ZNF214: variants seen among roughly 807,000 people sequenced by gnomAD.
ZNF214 encodes BWSCR2-associated zinc finger protein 1.
In ZNF214, 43 loss-of-function variants were observed where a neutral mutation model predicts 53.9. That is an observed-to-expected ratio of 0.80 (90% CI 0.63 to 1.03). ZNF214 has a LOEUF of 1.03. Among genes scored for constraint, ZNF214 ranks in the 50% least tolerant of loss-of-function variants. The pLI, the probability that ZNF214 is intolerant of heterozygous loss-of-function variation, is 0.00. For missense variants in ZNF214, 724 were observed against 719.1 expected (o/e 1.01, Z -0.08); for synonymous variants, 217 against 229.5 (o/e 0.95, Z 0.49).
At chr11:7,015,686 C>A (rs1851747615) in intron 1 of ZNF214, 1 of 152,086 alleles carries the variant, frequency 6.6e-6, no homozygotes, top group Non-Finnish European at 1.5e-5. Flanking sequence ...CTAAACTTAT[C>A]TCTATTTTCA....
chr11:7,019,935 G>C (rs1259583874), intron 1 of ZNF214, 138 bp downstream of exon 1: 2 of 152,070 alleles, frequency 1.3e-5, no homozygotes, highest in Non-Finnish European at 2.9e-5. Flanking sequence ...CACAGACCCG[G>C]GGGTCCCCTG....
rs557525719 is a variant in ZNF214 at position 7,005,957 on chromosome 11, AT to A, written c.-20-3103del. Among the ~76,000 whole-genome samples, 289 of 152,182 alleles carry A rather than the reference AT, an allele frequency of 1.9e-3. 8 individuals carry two copies. In the South Asian group the frequency reaches 0.022, roughly 11 times the overall value. On this transcript the variant is annotated intron_variant, in intron 1 of 2. Transcript: ENST00000278314. The stretch of plus-strand genomic sequence containing the variant: ...CAAACTTACTCTCTTTCAAAAATCA[AT>A]TTTCAGAGTAATGAGATGGGGCAAA...
intron 1 of ZNF214, among the ~76,000 whole-genome samples, chr11:7,013,700 G>A (rs566115820): frequency 4.7e-4 from 72 of 151,994 alleles, no homozygotes; most frequent in African/African-American, 1.6e-3. Context: ...CTTTGACTCC[G>A]CCGGACTTTG....
rs1157553792 is a variant in ZNF214 at position 6,997,698 on chromosome 11, C to G, written c.*2164G>C. Among the ~76,000 whole-genome samples, 1 of 151,490 alleles carries G rather than the reference C, an allele frequency of 6.6e-6. No homozygotes were observed. The highest frequency in any genetic ancestry group is 1.5e-5 in the Non-Finnish European group (1 of 67,794). ...GCACTTATGGTCTCTCTCCAGTTGC[C>G]GGATGTAGCAACTAAAAACAGAAAT... On this transcript the variant is annotated 3_prime_UTR_variant, in exon 3 of 3. Transcript: ENST00000278314.
chr11:7,007,159 T>G (rs1262317818), intron 1 of ZNF214, among the ~76,000 whole-genome samples: 1 of 151,798 alleles, frequency 6.6e-6, no homozygotes, highest in Non-Finnish European at 1.5e-5. Context: ...TAGATATTAA[T>G]ACATTTAAAA....
chr11:6,998,230 A>T lies in ZNF214; in HGVS notation c.*1632T>A, dbSNP rs1851231732. Among the ~76,000 whole-genome samples the T allele has an allele frequency of 1.3e-5, 2 of 151,870 alleles. No individual in the cohort carries two copies. On this transcript the variant is annotated 3_prime_UTR_variant, in exon 3 of 3. Coordinates refer to ENST00000278314, the MANE Select transcript of ZNF214 (RefSeq NM_013249.4). ...CCCTCCCTTTCTGGTTTTGCAGATA[A>T]CCAGAATTTTTCTTTCTGCATGCTT...
rs1428119835 is a variant in ZNF214 at position 6,997,102 on chromosome 11, GT to G, written c.*2759del. On this transcript the variant is annotated 3_prime_UTR_variant, in exon 3 of 3. Coordinates refer to ENST00000278314, the MANE Select transcript of ZNF214 (RefSeq NM_013249.4). ...GTCAAGTCCTCTTTTATATTTCCCC[GT>G]TTTTTATTATTTTCATTCTGCATTT... is the stretch of plus-strand genomic sequence containing the variant. 2.6e-5 allele frequency among the ~76,000 whole-genome samples: 4 copies of G among 151,466 alleles called. No homozygotes were observed. The highest frequency in any genetic ancestry group is 4.4e-5 in the Non-Finnish European group (3 of 67,734).
chr11:7,010,755 A>C (rs1210765534), intron 1 of ZNF214, among the ~76,000 whole-genome samples: 1 of 152,012 alleles, frequency 6.6e-6, no homozygotes, highest in African/African-American at 2.4e-5. Flanking sequence ...TTAAAAATTT[A>C]ATGTCAGACC....
At chr11:7,016,464 T>C (rs1851771728) in intron 1 of ZNF214, among the ~76,000 whole-genome samples, 1 of 152,212 alleles carries the variant, frequency 6.6e-6, no homozygotes, top group Non-Finnish European at 1.5e-5. Flanking sequence ...ATCAGAATAT[T>C]ATTCTGTGGA....
chr11:7,017,674 G>T (rs537646084), intron 1 of ZNF214, among the ~76,000 whole-genome samples: 1 of 151,958 alleles, frequency 6.6e-6, no homozygotes, highest in Admixed American at 6.6e-5. Flanking sequence ...GGGAGGCTGA[G>T]GTTGCAGTGA....
At chr11:7,002,906 G>A (rs1851387887) in intron 1 of ZNF214, 51 bp from the exon 2 acceptor site, 1 of 1,483,956 alleles carries the variant, frequency 6.7e-7, no homozygotes, top group Admixed American at 2.5e-5. Flanking sequence ...AAGACATTTA[G>A]CAGATAAGAT....
intron 1 of ZNF214, among the ~76,000 whole-genome samples, chr11:7,012,400 A>G (rs1851626497): frequency 6.6e-6 from 1 of 152,214 alleles, no homozygotes; most frequent in Admixed American, 6.5e-5. Flanking sequence ...GTAAGTACTT[A>G]AATGTTAAGG....
Position 7,001,445 on chromosome 11 carries a change from T to C in ZNF214, c.238A>G (p.Asn80Asp). ...TGAACAGTTTCCCCATAGTTCTGAT[T>C]CTCATACATCTGGGCGCCAGCATTC... Reference protein sequence around the residue: ...WWNAGAQMYENQNYGETVQGT... With the variant: ...WWNAGAQMYEDQNYGETVQGT... Residue 80 changes from asparagine to aspartate, a missense_variant, in exon 3 of 3, where the codon AAT becomes GAT. Coordinates refer to ENST00000278314, the MANE Select transcript of ZNF214 (RefSeq NM_013249.4). 1 of 1,613,224 alleles carries C rather than the reference T, an allele frequency of 6.2e-7. No individual in the cohort carries two copies. The highest frequency in any genetic ancestry group is 1.1e-5 in the South Asian group (1 of 91,034).
At chr11:7,009,246 AG>A (rs139548985) in intron 1 of ZNF214, among the ~76,000 whole-genome samples, 86,335 of 151,168 alleles carry the variant, frequency 0.57, 25,555 homozygotes, top group East Asian at 0.73. Flanking sequence ...CCAATGGAAC[AG>A]AATATAGAGC....
Position 7,000,113 on chromosome 11 carries a change from T to C in ZNF214, c.1570A>G (p.Lys524Glu), listed in dbSNP as rs762726645. The change falls in exon 3 of 3, where the codon AAG becomes GAG. Residue 524 changes from lysine (K) to glutamate (E), a missense_variant. Physicochemically the swap from Lys to Glu is moderately conservative, Grantham distance 56 (BLOSUM62 1). Transcript: ENST00000278314. ...LIHQRVHTGE[K>E]PYKCHDCGKG... ...CCACAATCATGACATTTATAGGGCT[T>C]TTCTCCTGTATGGACTCTCTGATGA... is the stretch of plus-strand genomic sequence containing the variant. 1.8e-5 allele frequency: 29 copies of C among 1,613,318 alleles called. No individual in the cohort carries two copies. The highest frequency in any genetic ancestry group is 2.4e-5 in the Non-Finnish European group (28 of 1,179,554).
At chr11:7,008,537 T>G (rs1021758051) in intron 1 of ZNF214, among the ~76,000 whole-genome samples, 34 of 150,214 alleles carry the variant, frequency 2.3e-4, no homozygotes, top group African/African-American at 7.5e-4. Context: ...AAGACAAGAA[T>G]GCCCACTCTC....
At chr11:7,003,537 C>T (rs750566377) in intron 1 of ZNF214, among the ~76,000 whole-genome samples, 5 of 151,912 alleles carry the variant, frequency 3.3e-5, no homozygotes, top group African/African-American at 4.8e-5. Context: ...TAAATGAATA[C>T]GCAATCTAAC....
At chr11:7,017,738 C>CAAAAAAAAAAAAAAACA (rs147893206) in intron 1 of ZNF214, among the ~76,000 whole-genome samples, 1 of 137,108 alleles carries the variant, frequency 7.3e-6, no homozygotes. Flanking sequence ...GACTCCGTCT[C>CAAAAAAAAAAAAAAACA]AAAAAAAAAA....
At chr11:7,001,690 C>A in intron 2 of ZNF214, 135 bp from the exon 3 acceptor site, 3 of 977,238 alleles carry the variant, frequency 3.1e-6, no homozygotes, top group South Asian at 4.1e-5. Context: ...TATGACTCTG[C>A]CTGCTCCATT....
Sources: allele counts gnomAD v4.1 joint callset (sites outside exome capture counted in the v4.1 genomes callset), GRCh38; gene constraint gnomAD v4.1.1; transcripts MANE v1.5; gene names NCBI Gene and HGNC (gene_info 2026-07-23, HGNC 2026-07-21).